The following VAV3 variants were observed in gnomAD, a reference collection of about 807,000 sequenced individuals.
VAV3 encodes the protein guanine nucleotide exchange factor VAV3.
In VAV3, 94 loss-of-function variants were observed where a neutral mutation model predicts 131.2. That is an observed-to-expected ratio of 0.72 (90% CI 0.61 to 0.85). VAV3 has a LOEUF of 0.85. Among genes scored for constraint, VAV3 ranks in the 40% least tolerant of loss-of-function variants. The pLI, the probability that VAV3 is intolerant of heterozygous loss-of-function variation, is 0.00. For synonymous variants in VAV3, 349 were observed against 342.0 expected (o/e 1.02, Z -0.22); for missense variants, 939 against 1,002.7 (o/e 0.94, Z 0.86).
intron 5 of VAV3, among the ~76,000 whole-genome samples, chr1:107,771,279 G>T (rs1433276220): frequency 1.4e-5 from 2 of 146,666 alleles, no homozygotes; most frequent in Non-Finnish European, 3.0e-5. Context: ...TTGAGTCAGA[G>T]TCTCGCTCTG....
chr1:107,716,425 T>G (rs1263119294), intron 15 of VAV3, among the ~76,000 whole-genome samples: 1 of 152,164 alleles, frequency 6.6e-6, no homozygotes, highest in Non-Finnish European at 1.5e-5. Context: ...GTTAGGAGTT[T>G]GAGAGTTTTT....
intron 2 of VAV3, among the ~76,000 whole-genome samples, chr1:107,849,935 A>G (rs1669144046): frequency 6.6e-6 from 1 of 152,218 alleles, no homozygotes; most frequent in African/African-American, 2.4e-5. Flanking sequence ...CACTTCTCAA[A>G]AGAAGACATT....
At chr1:107,651,992 C>T (rs1368779240) in intron 19 of VAV3, among the ~76,000 whole-genome samples, 1 of 152,012 alleles carries the variant, frequency 6.6e-6, no homozygotes, top group Non-Finnish European at 1.5e-5. Context: ...AGGTCTGTCA[C>T]AGACGAGTGA....
chr1:107,758,697 C>T (rs191726842), intron 10 of VAV3, among the ~76,000 whole-genome samples: 133 of 152,252 alleles, frequency 8.7e-4, no homozygotes, highest in African/African-American at 3.1e-3. Context: ...CAGATCCTGT[C>T]TCTACCCTAC....
At chr1:107,761,308 G>T (rs910726911) in intron 9 of VAV3, among the ~76,000 whole-genome samples, 4 of 151,504 alleles carry the variant, frequency 2.6e-5, no homozygotes, top group Non-Finnish European at 5.9e-5. Context: ...CAGGAGAATG[G>T]AGTGAACCCG....
At chr1:107,636,184 C>T (rs1654919596) in intron 20 of VAV3, among the ~76,000 whole-genome samples, 1 of 152,114 alleles carries the variant, frequency 6.6e-6, no homozygotes, top group African/African-American at 2.4e-5. Context: ...TTGAATTTTG[C>T]AGTGATGTGG....
At chr1:107,705,109 G>T in intron 15 of VAV3, 48 bp from the exon 16 acceptor site, 1 of 1,453,594 alleles carries the variant, frequency 6.9e-7, no homozygotes, top group Non-Finnish European at 9.5e-7. Flanking sequence ...TCACAACAAA[G>T]CTGCAATTTA....
intron 19 of VAV3, among the ~76,000 whole-genome samples, chr1:107,650,909 T>G (rs1363905856): frequency 6.6e-6 from 1 of 151,974 alleles, no homozygotes. Context: ...AATGATAGAC[T>G]GGATTAAGAA....
At chr1:107,626,062 G>C (rs1386893821) in intron 20 of VAV3, among the ~76,000 whole-genome samples, 3 of 152,098 alleles carry the variant, frequency 2.0e-5, no homozygotes, top group African/African-American at 7.2e-5. Context: ...CTTCTACTTA[G>C]ATGGCACTGT....
Position 107,625,847 on chromosome 1 carries a change from C to T in VAV3, c.1915-8215G>A, listed in dbSNP as rs533976936. 9.9e-5 allele frequency among the ~76,000 whole-genome samples: 15 copies of T among 152,230 alleles called. No homozygotes were observed. The South Asian group carries it at 3.1e-3, about 32-fold the overall frequency. Reference sequence around the variant, plus strand: ...ACTTGCACCATCAAATCAATAATCACGTCAGATGGAATTCCAAATTCATGG... The same window carrying T: ...ACTTGCACCATCAAATCAATAATCATGTCAGATGGAATTCCAAATTCATGG... On this transcript the variant is annotated intron_variant, in intron 20 of 26. Coordinates refer to ENST00000370056, the MANE Select transcript of VAV3 (RefSeq NM_006113.5).
chr1:107,832,819 C>A (rs1389628538), intron 2 of VAV3, among the ~76,000 whole-genome samples: 1 of 152,160 alleles, frequency 6.6e-6, no homozygotes, highest in African/African-American at 2.4e-5. Context: ...AAAATGTAAA[C>A]TGCTGAATCA....
intron 11 of VAV3, 108 bp from the exon 12 acceptor site, chr1:107,755,621 C>T (rs1321987935): frequency 1.3e-6 from 1 of 741,226 alleles, no homozygotes; most frequent in African/African-American, 1.8e-5. Context: ...AAAGTAACCA[C>T]TGTAACTTTT....
chr1:107,778,057 T>C (rs1307907727), intron 3 of VAV3, among the ~76,000 whole-genome samples: 1 of 152,212 alleles, frequency 6.6e-6, no homozygotes, highest in African/African-American at 2.4e-5. Flanking sequence ...ACAGTAAGCA[T>C]ACTGTGCCAA....
chr1:107,612,182 C>CTATATA (rs10604934), intron 21 of VAV3, among the ~76,000 whole-genome samples: 2 of 148,616 alleles, frequency 1.3e-5, no homozygotes, highest in Non-Finnish European at 3.0e-5. Context: ...TTATATTGGT[C>CTATATA]TATATATATA....
chr1:107,667,898 A>C (rs910546354), intron 19 of VAV3, among the ~76,000 whole-genome samples: 3 of 152,096 alleles, frequency 2.0e-5, no homozygotes, highest in Admixed American at 2.0e-4. Flanking sequence ...GTAGCATCCC[A>C]AGGTTGGCAG....
At chr1:107,922,151 A>G (rs1672929110) in intron 1 of VAV3, among the ~76,000 whole-genome samples, 1 of 152,186 alleles carries the variant, frequency 6.6e-6, no homozygotes, top group African/African-American at 2.4e-5. Flanking sequence ...CAGAGGGTTG[A>G]CAGTTGCCTC....
chr1:107,846,523 C>A (rs1304224819), intron 2 of VAV3, among the ~76,000 whole-genome samples: 2 of 152,180 alleles, frequency 1.3e-5, no homozygotes, highest in African/African-American at 4.8e-5. Context: ...GGAGACCCAT[C>A]TCACATGCAA....
At chr1:107,924,661 T>A (rs1673066995) in intron 1 of VAV3, among the ~76,000 whole-genome samples, 1 of 152,234 alleles carries the variant, frequency 6.6e-6, no homozygotes, top group African/African-American at 2.4e-5. Context: ...CTGATTTAAC[T>A]GACAGTAGCT....
At chr1:107,590,123 T>C (rs1429689680) in intron 25 of VAV3, among the ~76,000 whole-genome samples, 3 of 152,216 alleles carry the variant, frequency 2.0e-5, no homozygotes, top group Non-Finnish European at 4.4e-5. Context: ...TACTTCTTCC[T>C]GCAAGGTCAA....
Sources: gnomAD v4.1 joint callset for allele counts (sites outside exome capture counted in the v4.1 genomes callset) on GRCh38, gnomAD v4.1.1 for gene constraint, MANE v1.5 for transcripts, NCBI Gene and HGNC (gene_info 2026-07-23, HGNC 2026-07-21) for gene names.